PLLP: variants seen among roughly 807,000 people sequenced by gnomAD.
The protein encoded by PLLP is plasmolipin.
In PLLP, 15 loss-of-function variants were observed where a neutral mutation model predicts 19.7. The ratio of observed to expected loss-of-function variants is 0.76; its 90% CI spans 0.51 to 1.17. The LOEUF (loss-of-function observed/expected upper bound fraction) is 1.17. PLLP is among the 50% of genes most tolerant of loss of function. The probability of loss-of-function intolerance (pLI) is 0.00; values close to 1 mark genes in which losing one functional copy is unlikely to be tolerated. For missense variants in PLLP, 255 were observed against 258.3 expected (o/e 0.99, Z 0.09); for synonymous variants, 111 against 116.3 (o/e 0.95, Z 0.29).
In PLLP at chr16:57,284,651, T is replaced by G; in HGVS notation, c.-111A>C. ...CCCAGGCTCCGGATCCCTGTGTGGC[T>G]CCAGGCGCTGCAGGAGGCGTCGGGG... On this transcript the variant is annotated 5_prime_UTR_variant, in exon 1 of 4. Coordinates refer to ENST00000219207, the MANE Select transcript of PLLP (RefSeq NM_015993.3). The G allele has an allele frequency of 9.1e-7, 1 of 1,097,796 alleles. No individual in the cohort carries two copies. 68.0% of individuals were successfully genotyped at this position (1,097,796 alleles called of 1,614,324 possible). A position where few individuals can be genotyped will look rare whatever the true frequency, so the allele number is the denominator to read the frequency against.
intron 1 of PLLP, among the ~76,000 whole-genome samples, chr16:57,276,674 T>A (rs1184333616): frequency 6.6e-6 from 1 of 151,482 alleles, no homozygotes; most frequent in African/African-American, 2.4e-5. Context: ...TTGGGGCACA[T>A]CCAGAAGTGT....
Position 57,256,466 on chromosome 16 carries a change from C to G in PLLP, c.*447G>C, listed in dbSNP as rs1261894326. On this transcript the variant is annotated 3_prime_UTR_variant, in exon 4 of 4. Coordinates refer to ENST00000219207, the MANE Select transcript of PLLP (RefSeq NM_015993.3). ...GTGTTTAAAGGAAGGAGAGTGGTTTCACCAGCTTGCTCAGCTCTCCTGGAA... is the reference window on the plus strand; with the variant it reads ...GTGTTTAAAGGAAGGAGAGTGGTTTGACCAGCTTGCTCAGCTCTCCTGGAA... The G allele has an allele frequency of 5.1e-6, 1 of 197,342 alleles. No individual in the cohort carries two copies. The highest frequency in any genetic ancestry group is 1.0e-5 in the Non-Finnish European group (1 of 98,596). The allele number at this position is 197,342 out of a possible 1,614,324, so 12.2% of individuals were successfully genotyped here.
At chr16:57,273,243 G>A (rs1436330636) in intron 1 of PLLP, among the ~76,000 whole-genome samples, 3 of 151,354 alleles carry the variant, frequency 2.0e-5, no homozygotes, top group Non-Finnish European at 4.4e-5. Context: ...CTGGGGGACA[G>A]AGCAAGACTC....
At chr16:57,282,625 A>G (rs1901234101) in intron 1 of PLLP, among the ~76,000 whole-genome samples, 1 of 152,034 alleles carries the variant, frequency 6.6e-6, no homozygotes, top group African/African-American at 2.4e-5. Flanking sequence ...AAGGCCACCA[A>G]CAGAACCTAG....
At chr16:57,277,418 T>C (rs1901167003) in intron 1 of PLLP, among the ~76,000 whole-genome samples, 1 of 152,060 alleles carries the variant, frequency 6.6e-6, no homozygotes, top group Admixed American at 6.6e-5. Context: ...GGTGAAACCC[T>C]GTCTCCACTA....
chr16:57,281,458 G>C (rs1901217524), intron 1 of PLLP, among the ~76,000 whole-genome samples: 1 of 151,066 alleles, frequency 6.6e-6, no homozygotes, highest in Admixed American at 6.6e-5. Context: ...GGAACTACCT[G>C]TTGCCAGAGA....
rs1361734328 is a variant in PLLP, at chr16:57,256,107, C to A, written c.*806G>T. The A allele has an allele frequency of 1.5e-5, 6 of 398,410 alleles. No homozygotes were observed. The highest frequency in any genetic ancestry group is 1.3e-4 in the South Asian group (1 of 7,842). 24.7% of individuals were successfully genotyped at this position (398,410 alleles called of 1,614,324 possible). A position where few individuals can be genotyped will look rare whatever the true frequency, so the allele number is the denominator to read the frequency against. ...AACATCTTGTCCAAATAATTTCTCT[C>A]ATCTTTATTTTTATTAAAAAAAATA... On this transcript the variant is annotated 3_prime_UTR_variant, in exon 4 of 4. Transcript: ENST00000219207.
At chr16:57,261,033 G>A (rs2075440203) in intron 2 of PLLP, among the ~76,000 whole-genome samples, 1 of 152,202 alleles carries the variant, frequency 6.6e-6, no homozygotes, top group Non-Finnish European at 1.5e-5. Flanking sequence ...TGTCACCCAG[G>A]CTGGAGTATA....
intron 1 of PLLP, among the ~76,000 whole-genome samples, chr16:57,272,989 G>A (rs2146446782): frequency 6.6e-6 from 1 of 151,830 alleles, no homozygotes; most frequent in African/African-American, 2.4e-5. Context: ...TCCAGGCGCG[G>A]TGGCTCACAC....
At chr16:57,277,470 A>G (rs1011487837) in intron 1 of PLLP, among the ~76,000 whole-genome samples, 2 of 152,166 alleles carry the variant, frequency 1.3e-5, no homozygotes, top group African/African-American at 4.8e-5. Flanking sequence ...GCGTGCCTGT[A>G]ATCCCAGCTA....
At chr16:57,281,430 T>C (rs532315476) in intron 1 of PLLP, among the ~76,000 whole-genome samples, 5 of 151,708 alleles carry the variant, frequency 3.3e-5, no homozygotes, top group East Asian at 1.9e-4. Context: ...CCCCCACATA[T>C]CCCATTTCAG....
chr16:57,275,106 CACACACACACACACACACACACAT>C (rs1444397901), intron 1 of PLLP, among the ~76,000 whole-genome samples: 2 of 115,432 alleles, frequency 1.7e-5, no homozygotes, highest in Admixed American at 1.6e-4. Flanking sequence ...CACACACACA[CACACACACACACACACACACACAT>C]GCATTTCAGA....
chr16:57,259,298 C>T lies in PLLP; in HGVS notation c.310-714G>A, dbSNP rs112695870. ...TGGTCCAGGGCCAAGCCCAGGCCAT[C>T]CCTGGTACCACTGCAAGGTTTGGCT... On this transcript the variant is annotated intron_variant, in intron 2 of 3. Transcript: ENST00000219207. Among the ~76,000 whole-genome samples, 28 of 152,370 alleles carry T rather than the reference C, an allele frequency of 1.8e-4. 1 individual carries two copies. The highest frequency in any genetic ancestry group is 6.5e-4 in the African/African-American group (27 of 41,590).
intron 1 of PLLP, among the ~76,000 whole-genome samples, chr16:57,275,093 TCACACACACACACA>T (rs60029615): frequency 1.2e-4 from 15 of 121,446 alleles, no homozygotes; most frequent in African/African-American, 4.6e-4. Context: ...TCCAGGGACT[TCACACACACACACA>T]CACACACACA....
At chr16:57,271,534 A>G (rs1248447028) in intron 1 of PLLP, among the ~76,000 whole-genome samples, 1 of 151,860 alleles carries the variant, frequency 6.6e-6, no homozygotes, top group Non-Finnish European at 1.5e-5. Flanking sequence ...AATCCCAGCT[A>G]CTCGGGAGGC....
intron 1 of PLLP, among the ~76,000 whole-genome samples, chr16:57,279,017 A>T (rs1392533716): frequency 6.6e-6 from 1 of 152,178 alleles, no homozygotes; most frequent in African/African-American, 2.4e-5. Context: ...CTGTCTCTGG[A>T]AGCATGCAAG....
chr16:57,269,375 T>C (rs1460183121), intron 1 of PLLP, among the ~76,000 whole-genome samples: 2 of 152,198 alleles, frequency 1.3e-5, no homozygotes, highest in Non-Finnish European at 2.9e-5. Flanking sequence ...ACCCAACCTT[T>C]CTGGTCTGTT....
intron 2 of PLLP, among the ~76,000 whole-genome samples, chr16:57,260,222 A>C (rs1199954707): frequency 6.6e-6 from 1 of 152,202 alleles, no homozygotes; most frequent in South Asian, 2.1e-4. Context: ...GATGCAGTTA[A>C]GCCCTCTCTG....
intron 1 of PLLP, among the ~76,000 whole-genome samples, chr16:57,273,835 T>C (rs1455597837): frequency 6.6e-6 from 1 of 152,134 alleles, no homozygotes; most frequent in African/African-American, 2.4e-5. Flanking sequence ...TCATAGATGG[T>C]TGGGAAAATC....
Sources: gnomAD v4.1 joint callset for allele counts (sites outside exome capture counted in the v4.1 genomes callset) on GRCh38, gnomAD v4.1.1 for gene constraint, MANE v1.5 for transcripts, NCBI Gene and HGNC (gene_info 2026-07-23, HGNC 2026-07-21) for gene names.